The following ZNF438 variants were observed in gnomAD, a reference collection of about 807,000 sequenced individuals.
ZNF438 encodes zinc finger protein 438.
A neutral mutation model predicts 38.0 loss-of-function variants in ZNF438; 25 were observed. The observed-to-expected ratio is 0.66, with a 90% CI of 0.48 to 0.92. The LOEUF (loss-of-function observed/expected upper bound fraction) is 0.92, where lower values mean the gene tolerates loss of function less well. Ranked by LOEUF, ZNF438 falls within the 40% of genes least tolerant of loss-of-function variation. The pLI is 0.00. For missense variants in ZNF438, 1,007 were observed against 999.6 expected, an observed-to-expected ratio of 1.01 and a Z score of -0.10; for synonymous variants, 372 against 364.1, an observed-to-expected ratio of 1.02 and a Z score of -0.25.
intron 2 of ZNF438, among the ~76,000 whole-genome samples, chr10:30,913,733 T>C (rs777310828): frequency 9.2e-5 from 14 of 152,116 alleles, no homozygotes; most frequent in Non-Finnish European, 1.5e-4. Context: ...TGAAGAGAAT[T>C]ACGTGGGTAA....
chr10:30,865,330 A>G (rs1232426274), intron 4 of ZNF438, among the ~76,000 whole-genome samples: 1 of 152,240 alleles, frequency 6.6e-6, no homozygotes, highest in Non-Finnish European at 1.5e-5. Context: ...TTCTTTTAAC[A>G]GAACTTCTGG....
chr10:30,918,235 TA>T (rs1361808369), intron 2 of ZNF438, among the ~76,000 whole-genome samples: 1 of 152,228 alleles, frequency 6.6e-6, no homozygotes, highest in Non-Finnish European at 1.5e-5. Context: ...CCTATGTTTT[TA>T]AGATTCGTCA....
intron 1 of ZNF438, among the ~76,000 whole-genome samples, chr10:31,012,236 GC>G (rs1386912095): frequency 6.6e-6 from 1 of 150,438 alleles, no homozygotes; most frequent in Non-Finnish European, 1.5e-5. Context: ...CCATTCTCCT[GC>G]CTCAGCCTCC....
chr10:31,030,322 A>C (rs1462157185), intron 1 of ZNF438, among the ~76,000 whole-genome samples: 1 of 152,146 alleles, frequency 6.6e-6, no homozygotes, highest in Non-Finnish European at 1.5e-5. Context: ...TTATGCACGT[A>C]TTGTTCGTTG....
chr10:30,974,561 A>G (rs567911837), intron 1 of ZNF438, among the ~76,000 whole-genome samples: 2 of 152,344 alleles, frequency 1.3e-5, no homozygotes, highest in South Asian at 4.1e-4. Flanking sequence ...TACAATAGGG[A>G]CAATCGACTG....
chr10:30,874,877 G>A (rs2038170647), intron 4 of ZNF438, among the ~76,000 whole-genome samples: 1 of 151,458 alleles, frequency 6.6e-6, no homozygotes, highest in African/African-American at 2.4e-5. Flanking sequence ...TGATAGATCT[G>A]AGTTCAAATC....
chr10:30,988,125 T>G (rs1025144169), intron 1 of ZNF438, among the ~76,000 whole-genome samples: 3 of 152,174 alleles, frequency 2.0e-5, no homozygotes, highest in Non-Finnish European at 2.9e-5. Flanking sequence ...AAATCGAGTT[T>G]ACTGTTTTTT....
chr10:30,864,110 G>T (rs903782288), intron 4 of ZNF438, among the ~76,000 whole-genome samples: 8 of 152,132 alleles, frequency 5.3e-5, no homozygotes, highest in African/African-American at 1.9e-4. Flanking sequence ...AGGCTATTAT[G>T]TGGGAACTCA....
rs1351182250 is a variant in ZNF438 at position 30,845,024 on chromosome 10, CCA to C, written c.2422_2423del (p.Trp808GlyfsTer17). 6.2e-7 allele frequency: 1 copy of C among 1,614,142 alleles called. No individual in the cohort carries two copies. Among genetic ancestry groups the C allele is most frequent in the Non-Finnish European group, 8.5e-7 (1 of 1,180,026 alleles). On this transcript the variant is annotated frameshift_variant, in exon 6 of 6. Transcript: ENST00000413025. LOFTEE classifies it low-confidence loss of function (END_TRUNC). ...GGTTGGAGACCGTATTTAAAATAGCCCACAGTTTGGAAGGGTCCTCACAGTTA... is the reference window on the plus strand; with the variant it reads ...GGTTGGAGACCGTATTTAAAATAGCCCAGTTTGGAAGGGTCCTCACAGTTA...
At chr10:30,932,295 T>C (rs147883099) in intron 2 of ZNF438, among the ~76,000 whole-genome samples, 2 of 152,358 alleles carry the variant, frequency 1.3e-5, no homozygotes, top group African/African-American at 4.8e-5. Flanking sequence ...CTACTATCCC[T>C]GGTTTTTCCA....
chr10:30,874,110 GTGTGTATATATATA>G (rs1483407040), intron 4 of ZNF438, among the ~76,000 whole-genome samples: 31 of 31,646 alleles, frequency 9.8e-4, no homozygotes, highest in African/African-American at 4.5e-3. Context: ...GGGGGTGTGT[GTGTGTATATATATA>G]TATATATATA....
chr10:30,947,606 G>A (rs370235977), intron 1 of ZNF438, among the ~76,000 whole-genome samples: 39 of 152,390 alleles, frequency 2.6e-4, no homozygotes, highest in East Asian at 9.6e-4. Flanking sequence ...GGGCAATGGC[G>A]GGTGCCCCTC....
chr10:30,867,363 A>G (rs1351772577), intron 4 of ZNF438, among the ~76,000 whole-genome samples: 1 of 152,216 alleles, frequency 6.6e-6, no homozygotes, highest in Non-Finnish European at 1.5e-5. Flanking sequence ...GTGCAAAAGT[A>G]ATTGTGGTTT....
At chr10:30,995,913 T>C (rs1294758561) in intron 1 of ZNF438, among the ~76,000 whole-genome samples, 1 of 152,180 alleles carries the variant, frequency 6.6e-6, no homozygotes, top group Non-Finnish European at 1.5e-5. Context: ...AAGTAAAAAT[T>C]ACAACAGTGT....
chr10:30,992,980 G>T (rs987746130), intron 1 of ZNF438, among the ~76,000 whole-genome samples: 8 of 152,204 alleles, frequency 5.3e-5, no homozygotes, highest in Non-Finnish European at 1.0e-4. Flanking sequence ...TCAAGATACT[G>T]TGTGGTTACT....
chr10:31,022,137 G>A (rs144063897), intron 1 of ZNF438, among the ~76,000 whole-genome samples: 1 of 152,144 alleles, frequency 6.6e-6, no homozygotes, highest in Non-Finnish European at 1.5e-5. Flanking sequence ...AACTGGCAAC[G>A]ACCAGCTCAG....
intron 4 of ZNF438, among the ~76,000 whole-genome samples, chr10:30,876,141 A>T (rs2133641282): frequency 6.6e-6 from 1 of 152,320 alleles, no homozygotes; most frequent in East Asian, 1.9e-4. Flanking sequence ...AAGAGTTATG[A>T]TACTACCTTT....
intron 4 of ZNF438, among the ~76,000 whole-genome samples, chr10:30,854,047 C>A (rs540957412): frequency 1.3e-5 from 2 of 148,662 alleles, no homozygotes; most frequent in Admixed American, 6.7e-5. Flanking sequence ...AGGCCGGGCA[C>A]GGTGGCTCAC....
intron 1 of ZNF438, among the ~76,000 whole-genome samples, chr10:30,942,937 G>A (rs1589318298): frequency 6.6e-6 from 1 of 152,168 alleles, no homozygotes; most frequent in East Asian, 1.9e-4. Flanking sequence ...GAAGAACTGA[G>A]AACTTACCAA....
Sources: allele counts gnomAD v4.1 joint callset (sites outside exome capture counted in the v4.1 genomes callset), GRCh38; gene constraint gnomAD v4.1.1; transcripts MANE v1.5; gene names NCBI Gene and HGNC (gene_info 2026-07-23, HGNC 2026-07-21).